Variants in CLEC2B observed in about 807,000 individuals in gnomAD.
CLEC2B encodes the protein C-type (calcium dependent, carbohydrate-recognition domain) lectin, superfamily member 2 (activation-induced).
CLEC2B carries 14 observed loss-of-function variants against 16.2 expected under a neutral mutation model. The observed-to-expected ratio is 0.86, with a 90% CI of 0.57 to 1.35. CLEC2B has a LOEUF of 1.35. Ranked by LOEUF, CLEC2B falls within the 40% of genes most tolerant of loss-of-function variation. CLEC2B has a pLI of 0.00. For synonymous variants in CLEC2B, 42 were observed against 55.8 expected, an observed-to-expected ratio of 0.75 and a Z score of 1.10; for missense variants, 166 against 182.3, an observed-to-expected ratio of 0.91 and a Z score of 0.52.
At chr12:9,860,260 A>G (rs1277090083) in intron 2 of CLEC2B, among the ~76,000 whole-genome samples, 1 of 151,750 alleles carries the variant, frequency 6.6e-6, no homozygotes, top group Non-Finnish European at 1.5e-5. Context: ...TTGCAAAAGA[A>G]ACTGAAGAAA....
In CLEC2B at chr12:9,853,310, C is replaced by A. The variant is rs1286967644; in HGVS notation, c.440G>T (p.Arg147Ile). ...ATCTTAGACATTAACTTAGTGTATT[C>A]TTTTCCTGCAAATCCATTTTCTTTC... Reference protein sequence around the residue: ...YTERKWICRKRIH With the variant: ...YTERKWICRKIIH The change falls in exon 5 of 5, where the codon AGA becomes ATA. Residue 147 changes from arginine (R) to isoleucine (I), a missense_variant. Coordinates refer to ENST00000228438, the MANE Select transcript of CLEC2B (RefSeq NM_005127.3). 1.2e-6 allele frequency: 2 copies of A among 1,609,042 alleles called. No individual in the cohort carries two copies. Among genetic ancestry groups the A allele is most frequent in the South Asian group, 1.1e-5 (1 of 90,954 alleles).
chr12:9,857,630 TA>T lies in CLEC2B; in HGVS notation c.80del (p.Leu27GlnfsTer44), dbSNP rs765427405. 3.7e-6 allele frequency: 6 copies of T among 1,608,138 alleles called. No individual in the cohort carries two copies. In the South Asian group the frequency reaches 6.6e-5, roughly 18 times the overall value. ...GGCATAAACTCTGAGAATCTCGAGTTAGTTTAACTGGAAATGAGACAAATAT... is the reference window on the plus strand; with the variant it reads ...GGCATAAACTCTGAGAATCTCGAGTTGTTTAACTGGAAATGAGACAAATAT... ...TTNIITLIVKLTRDSQSLCPY... is the reference protein window; with the variant it reads ...TTNIITLIVKXTRDSQSLCPY... On this transcript the variant is annotated frameshift_variant, in exon 3 of 5. Transcript: ENST00000228438. LOFTEE classifies it high-confidence loss of function.
intron 1 of CLEC2B, among the ~76,000 whole-genome samples, chr12:9,868,782 T>A (rs1867991415): frequency 6.6e-6 from 1 of 152,104 alleles, no homozygotes; most frequent in South Asian, 2.1e-4. Context: ...TTCTTTCCGT[T>A]AAGTACTCCT....
rs371852506 is a variant in CLEC2B at position 9,853,441 on chromosome 12, T to C, written c.342-33A>G. ...AAAGGGATTAACCATTATGTAGTCA[T>C]GTGATTTCTTCCTTGCCCATGGACA... On this transcript the variant is annotated intron_variant, in intron 4 of 4. Coordinates refer to ENST00000228438, the MANE Select transcript of CLEC2B (RefSeq NM_005127.3). 15 of 1,561,044 alleles carry C rather than the reference T, an allele frequency of 9.6e-6. No homozygotes were observed. The African/African-American group carries it at 2.0e-4, about 21-fold the overall frequency.
chr12:9,858,425 A>G (rs894858255), intron 2 of CLEC2B, among the ~76,000 whole-genome samples: 3 of 152,014 alleles, frequency 2.0e-5, no homozygotes, highest in Non-Finnish European at 2.9e-5. Context: ...TTCTCATAAT[A>G]TGTGTTTGTA....
chr12:9,866,038 TA>T (rs1255505622), intron 1 of CLEC2B, among the ~76,000 whole-genome samples: 3 of 151,914 alleles, frequency 2.0e-5, no homozygotes, highest in Non-Finnish European at 1.5e-5. Context: ...TAAATGCCTT[TA>T]AAAAAAGGTA....
rs1867853641 is a variant in CLEC2B, at chr12:9,852,504, TG to T, written c.*795del. On this transcript the variant is annotated 3_prime_UTR_variant, in exon 5 of 5. Transcript: ENST00000228438. ...TGTTTTAATAGCTGTTAGATAAAACTGGTTTTAGGTTACAACAGGTAGTTTT... is the reference window on the plus strand; with the variant it reads ...TGTTTTAATAGCTGTTAGATAAAACTGTTTTAGGTTACAACAGGTAGTTTT... Among the ~76,000 whole-genome samples, 1 of 152,166 alleles carries T rather than the reference TG, an allele frequency of 6.6e-6. No individual in the cohort carries two copies. Among genetic ancestry groups the T allele is most frequent in the Non-Finnish European group, 1.5e-5 (1 of 68,016 alleles).
chr12:9,863,899 A>T (rs1867951134), intron 1 of CLEC2B, among the ~76,000 whole-genome samples: 1 of 152,180 alleles, frequency 6.6e-6, no homozygotes, highest in Non-Finnish European at 1.5e-5. Flanking sequence ...AAATAATAAC[A>T]GAAAGTATTA....
chr12:9,865,639 T>A (rs2136981774), intron 1 of CLEC2B, among the ~76,000 whole-genome samples: 1 of 152,170 alleles, frequency 6.6e-6, no homozygotes, highest in African/African-American at 2.4e-5. Context: ...AATATTGGAG[T>A]TATACTGCAC....
At chr12:9,857,853 A>G (rs1300064789) in intron 2 of CLEC2B, among the ~76,000 whole-genome samples, 1 of 152,096 alleles carries the variant, frequency 6.6e-6, no homozygotes, top group African/African-American at 2.4e-5. Flanking sequence ...TTCAACTTCA[A>G]CTTCAGTGAT....
chr12:9,861,165 A>G (rs1307717271), intron 2 of CLEC2B, among the ~76,000 whole-genome samples: 1 of 152,018 alleles, frequency 6.6e-6, no homozygotes, highest in Non-Finnish European at 1.5e-5. Flanking sequence ...TAAAGAAGAT[A>G]TTTGCAATAC....
In CLEC2B at chr12:9,860,927, A is replaced by G. The variant is rs113374045; in HGVS notation, c.73+1572T>C. Among the ~76,000 whole-genome samples, 376 of 152,014 alleles carry G rather than the reference A, an allele frequency of 2.5e-3. 3 individuals are homozygous for G. The highest frequency in any genetic ancestry group is 7.9e-3 in the African/African-American group (327 of 41,548). ...TAAATGGGAAATAATGCATCCTAAT[A>G]TCTATCTCCTAAAATTTATAAAAAT... On this transcript the variant is annotated intron_variant, in intron 2 of 4. Coordinates refer to ENST00000228438, the MANE Select transcript of CLEC2B (RefSeq NM_005127.3).
In CLEC2B at chr12:9,863,282, C is replaced by T. The variant is rs553750334; in HGVS notation, c.-2-709G>A. Reference sequence around the variant, plus strand: ...AACAAGGAGGCCGAAACCTAGCTGCCGCCCCCCACCCCCAAAAAAATCGAC... The same window carrying T: ...AACAAGGAGGCCGAAACCTAGCTGCTGCCCCCCACCCCCAAAAAAATCGAC... On this transcript the variant is annotated intron_variant, in intron 1 of 4. Transcript: ENST00000228438. Among the ~76,000 whole-genome samples the T allele has an allele frequency of 1.8e-3, 273 of 151,978 alleles. 1 individual carries two copies. Among genetic ancestry groups the T allele is most frequent in the African/African-American group, 6.3e-3 (262 of 41,454 alleles).
chr12:9,854,550 CTT>C, intron 3 of CLEC2B, 66 bp from the exon 4 acceptor site: 1 of 1,045,222 alleles, frequency 9.6e-7, no homozygotes, highest in Non-Finnish European at 1.5e-6. Context: ...CTGTGTACCT[CTT>C]GTTTCGTAGG....
intron 3 of CLEC2B, 44 bp from the exon 4 acceptor site, chr12:9,854,528 TA>T: frequency 1.6e-6 from 2 of 1,245,008 alleles, no homozygotes; most frequent in Non-Finnish European, 2.4e-6. Context: ...TGCCAATTTT[TA>T]TGACAACCTA....
chr12:9,860,395 G>T (rs1328926940), intron 2 of CLEC2B, among the ~76,000 whole-genome samples: 1 of 151,756 alleles, frequency 6.6e-6, no homozygotes, highest in Non-Finnish European at 1.5e-5. Flanking sequence ...TAGTGTTAAT[G>T]AAAATACTTC....
chr12:9,854,856 A>G (rs1229539207), intron 3 of CLEC2B: 1 of 278,370 alleles, frequency 3.6e-6, no homozygotes, highest in East Asian at 7.3e-5. Context: ...TTCCCAGTAA[A>G]TAGTAGTAGC....
At position 9,853,348 on chromosome 12, in the gene CLEC2B, A is replaced by T. The variant is rs1057091309; in HGVS notation, c.402T>A (p.Ala134=). 6.2e-7 allele frequency: 1 copy of T among 1,614,112 alleles called. No homozygotes were observed. The highest frequency in any genetic ancestry group is 1.7e-5 in the Admixed American group (1 of 60,018). The change falls in exon 5 of 5, where the codon GCT becomes GCA. Residue 134 remains alanine, a synonymous_variant. Transcript: ENST00000228438. The part of the protein sequence containing the change: ...AYLSDDGAAT[A]RCYTERKWIC... Reference sequence around the variant, plus strand: ...TCCATTTTCTTTCGGTGTAACATCTAGCTGTTGCTGCACCATCATCGCTGA... The same window carrying T: ...TCCATTTTCTTTCGGTGTAACATCTTGCTGTTGCTGCACCATCATCGCTGA...
intron 1 of CLEC2B, 103 bp from the exon 2 acceptor site, chr12:9,862,676 A>G (rs1427789824): frequency 1.0e-6 from 1 of 978,146 alleles, no homozygotes; most frequent in African/African-American, 1.8e-5. Flanking sequence ...ACAACAAAAT[A>G]TTAGTGCTGT....
Sources: allele counts gnomAD v4.1 joint callset (sites outside exome capture counted in the v4.1 genomes callset), GRCh38; gene constraint gnomAD v4.1.1; transcripts MANE v1.5; gene names NCBI Gene and HGNC (gene_info 2026-07-23, HGNC 2026-07-21).